The following SLF1 variants were observed in gnomAD, a reference collection of about 807,000 sequenced individuals.
SLF1 encodes the protein SMC5/6 complex localization factor 1.
Under a neutral mutation model 123.0 loss-of-function variants are expected in SLF1, and 105 were observed. The observed-to-expected ratio is 0.85, with a 90% confidence interval of 0.73 to 1.00. SLF1 has a LOEUF of 1.00. SLF1 is among the 50% of genes least tolerant of loss of function. The pLI, the probability that SLF1 is intolerant of heterozygous loss-of-function variation, is 0.00. For missense variants in SLF1, 1,239 were observed against 1,223.0 expected (o/e 1.01, Z -0.20); for synonymous variants, 434 against 406.6 (o/e 1.07, Z -0.81).
chr5:94,668,869 T>G (rs955368654), intron 12 of SLF1, among the ~76,000 whole-genome samples: 1 of 152,216 alleles, frequency 6.6e-6, no homozygotes, highest in Admixed American at 6.5e-5. Context: ...CCTATGACTT[T>G]CTTAAAGAGA....
At chr5:94,656,286 C>T (rs1198680048) in intron 9 of SLF1, among the ~76,000 whole-genome samples, 3 of 151,882 alleles carry the variant, frequency 2.0e-5, no homozygotes, top group Non-Finnish European at 4.4e-5. Flanking sequence ...TGGGATAAAT[C>T]ATAGTGTACA....
In SLF1 at chr5:94,623,829, C is replaced by G. The variant is rs529195282; in HGVS notation, c.1-4982C>G. Reference sequence around the variant, plus strand: ...CTTAATCCTGCAGGGTCAGAAAGAACCATCAAACCATGAATTTTATAAATA... The same window carrying G: ...CTTAATCCTGCAGGGTCAGAAAGAAGCATCAAACCATGAATTTTATAAATA... On this transcript the variant is annotated intron_variant, in intron 1 of 20. Transcript: ENST00000265140. Among the ~76,000 whole-genome samples the G allele has an allele frequency of 5.9e-5, 9 of 152,154 alleles. 1 individual carries two copies. In the East Asian group the frequency reaches 1.7e-3, roughly 29 times the overall value.
At position 94,697,290 on chromosome 5, in the gene SLF1, G is replaced by A. The variant is rs10039102; in HGVS notation, c.*1978G>A. The A allele has an allele frequency of 6.6e-6, 1 of 151,032 alleles. No individual in the cohort carries two copies. Among genetic ancestry groups the A allele is most frequent in the African/African-American group, 2.4e-5 (1 of 41,112 alleles). The allele number at this position is 151,032 out of a possible 1,614,324, so 9.4% of individuals were successfully genotyped here. A position where few individuals can be genotyped will look rare whatever the true frequency, so the allele number is the denominator to read the frequency against. ...CCAGTATATGAGTATGAATCTAAAT[G>A]TTCAGGAAAAGGCTTCATTCCCAAA... On this transcript the variant is annotated 3_prime_UTR_variant, in exon 21 of 21. Transcript: ENST00000265140.
At chr5:94,619,595 G>T (rs1246808260) in intron 1 of SLF1, among the ~76,000 whole-genome samples, 1 of 148,564 alleles carries the variant, frequency 6.7e-6, no homozygotes, top group Non-Finnish European at 1.5e-5. Context: ...TTTGACGAAT[G>T]ACTTTATTAA....
intron 4 of SLF1, among the ~76,000 whole-genome samples, chr5:94,642,792 A>C (rs1345002655): frequency 6.6e-6 from 1 of 152,022 alleles, no homozygotes; most frequent in African/African-American, 2.4e-5. Flanking sequence ...ATTTTGTAAA[A>C]TGTATTTCTT....
At position 94,688,580 on chromosome 5, in the gene SLF1, A is replaced by G; in HGVS notation, c.2196A>G (p.Ile732Met). The change falls in exon 17 of 21, where the codon ATA (isoleucine) becomes ATG (methionine). Residue 732 changes from isoleucine (I) to methionine (M), a missense_variant. Ile to Met is a conservative substitution (Grantham distance 10, BLOSUM62 1). Transcript: ENST00000265140. ...GSGKIQVSKK[I>M]GQRPCFDSQR... ...GAAAGATTCAGGTGTCAAAGAAAAT[A>G]GGACAGCGGCCTTGTTTTGACTCTC... The G allele has an allele frequency of 1.2e-6, 2 of 1,614,120 alleles. No homozygotes were observed. Among genetic ancestry groups the G allele is most frequent in the Non-Finnish European group, 1.7e-6 (2 of 1,179,974 alleles).
intron 14 of SLF1, among the ~76,000 whole-genome samples, chr5:94,675,710 A>G (rs1750967066): frequency 6.6e-6 from 1 of 152,164 alleles, no homozygotes; most frequent in Non-Finnish European, 1.5e-5. Context: ...AAGAACAACA[A>G]CTTTGGCAGG....
Position 94,654,741 on chromosome 5 carries a change from T to C in SLF1, c.1144T>C (p.Tyr382His), listed in dbSNP as rs577084421. 3.3e-5 allele frequency: 50 copies of C among 1,517,536 alleles called. No homozygotes were observed. In the Admixed American group the frequency reaches 8.2e-4, roughly 25 times the overall value. 94.0% of individuals were successfully genotyped at this position (1,517,536 alleles called of 1,614,324 possible). Reference sequence around the variant, plus strand: ...AAAAAATACCTTAAGGAAGCACATATATAGAGCTCAGGTAAAACTTGGCAC... The same window carrying C: ...AAAAAATACCTTAAGGAAGCACATACATAGAGCTCAGGTAAAACTTGGCAC... ...EIKNTLRKHI[Y>H]RAQAVRYNCI... Residue 382 changes from tyrosine to histidine, a missense_variant, in exon 9 of 21, where the codon TAT (tyrosine) becomes CAT (histidine). Coordinates refer to ENST00000265140, the MANE Select transcript of SLF1 (RefSeq NM_032290.4).
At chr5:94,626,252 CAAAAA>C (rs563542719) in intron 1 of SLF1, among the ~76,000 whole-genome samples, 1 of 58,382 alleles carries the variant, frequency 1.7e-5, no homozygotes, top group African/African-American at 6.3e-5. Flanking sequence ...GACTCCATCT[CAAAAA>C]AAAAAAAAAA....
intron 20 of SLF1, 30 bp from the exon 21 acceptor site, chr5:94,694,801 C>T (rs1245205900): frequency 1.3e-6 from 2 of 1,521,248 alleles, no homozygotes; most frequent in Non-Finnish European, 8.8e-7. Flanking sequence ...AAATGTTTTA[C>T]TTGCAACATT....
intron 15 of SLF1, among the ~76,000 whole-genome samples, chr5:94,680,218 C>T (rs532276021): frequency 1.8e-4 from 27 of 152,130 alleles, no homozygotes; most frequent in Non-Finnish European, 3.5e-4. Context: ...AGGATTTATT[C>T]GATGATGCCC....
chr5:94,644,269 C>T (rs1746766092), intron 5 of SLF1, among the ~76,000 whole-genome samples: 1 of 152,126 alleles, frequency 6.6e-6, no homozygotes, highest in African/African-American at 2.4e-5. Flanking sequence ...TACCTTTTTA[C>T]TCTAATTTCC....
intron 20 of SLF1, among the ~76,000 whole-genome samples, chr5:94,692,671 A>G (rs1178327350): frequency 1.3e-5 from 2 of 152,176 alleles, no homozygotes; most frequent in Non-Finnish European, 2.9e-5. Flanking sequence ...TACAAACTCA[A>G]TCTTATTTTT....
At chr5:94,650,054 G>A (rs780483230) in intron 6 of SLF1, among the ~76,000 whole-genome samples, 4 of 152,202 alleles carry the variant, frequency 2.6e-5, no homozygotes, top group South Asian at 4.1e-4. Flanking sequence ...TGAACTTGGA[G>A]CAATAAAAAG....
At chr5:94,647,807 A>G (rs2152476832) in intron 5 of SLF1, among the ~76,000 whole-genome samples, 1 of 152,332 alleles carries the variant, frequency 6.6e-6, no homozygotes, top group South Asian at 2.1e-4. Flanking sequence ...ATAATAGATT[A>G]TTCAATTTCA....
At chr5:94,657,854 T>A (rs1585166321) in intron 9 of SLF1, among the ~76,000 whole-genome samples, 1 of 152,222 alleles carries the variant, frequency 6.6e-6, no homozygotes, top group South Asian at 2.1e-4. Context: ...CTGATGTAAG[T>A]ATAGCTACTT....
chr5:94,660,011 G>C (rs1748889581), intron 9 of SLF1, among the ~76,000 whole-genome samples: 3 of 152,198 alleles, frequency 2.0e-5, no homozygotes, highest in Admixed American at 1.3e-4. Context: ...AGCAGCAGCA[G>C]CTTGACATGC....
chr5:94,694,818 T>C lies in SLF1; in HGVS notation c.2696-13T>C, dbSNP rs748229092. 6 of 1,532,202 alleles carry C rather than the reference T, an allele frequency of 3.9e-6. No homozygotes were observed. Among genetic ancestry groups the C allele is most frequent in the Non-Finnish European group, 5.2e-6 (6 of 1,143,404 alleles). 94.9% of individuals were successfully genotyped at this position (1,532,202 alleles called of 1,614,324 possible). ...ATGTTTTACTTGCAACATTTTGCAT[T>C]TTCTTTTCACAGGCCCAGTGCTTTT... On this transcript the variant is annotated splice_polypyrimidine_tract_variant and intron_variant, in intron 20 of 20. Transcript: ENST00000265140.
chr5:94,650,483 C>T (rs1011406120), intron 6 of SLF1, among the ~76,000 whole-genome samples: 1 of 151,846 alleles, frequency 6.6e-6, no homozygotes, highest in Non-Finnish European at 1.5e-5. Flanking sequence ...CTGCCTCAGC[C>T]TCCCGAGTAG....
Sources: gnomAD v4.1 joint callset for allele counts (sites outside exome capture counted in the v4.1 genomes callset) on GRCh38, gnomAD v4.1.1 for gene constraint, MANE v1.5 for transcripts, NCBI Gene and HGNC (gene_info 2026-07-23, HGNC 2026-07-21) for gene names.